The following MYBL2 variants were observed in gnomAD, a reference collection of about 807,000 sequenced individuals.
MYBL2 encodes myb-related protein B.
Under a neutral mutation model 79.9 loss-of-function variants are expected in MYBL2, and 28 were observed. The observed-to-expected ratio is 0.35, with a 90% CI of 0.26 to 0.48. MYBL2 has a LOEUF of 0.48. MYBL2 is among the 20% of genes least tolerant of loss of function. MYBL2 has a pLI of 0.99. For synonymous variants in MYBL2, 378 were observed against 361.2 expected (o/e 1.05, Z -0.53); for missense variants, 735 against 893.9 (o/e 0.82, Z 2.27).
Position 43,682,894 on chromosome 20 carries a change from C to G in MYBL2, c.279+8C>G, listed in dbSNP as rs1987177219. On this transcript the variant is annotated splice_region_variant and intron_variant, in intron 4 of 13. Transcript: ENST00000217026. ...AAAGAGGAAGACCAAAAAGTAACTG[C>G]TGGGACAGTGCCTTGCACACAGTGG... 2 of 1,612,450 alleles carry G rather than the reference C, an allele frequency of 1.2e-6. No homozygotes were observed. The highest frequency in any genetic ancestry group is 1.7e-6 in the Non-Finnish European group (2 of 1,178,584).
At chr20:43,675,557 C>T (rs976000929) in intron 2 of MYBL2, among the ~76,000 whole-genome samples, 10 of 152,170 alleles carry the variant, frequency 6.6e-5, no homozygotes, top group Admixed American at 1.3e-4. Context: ...AAGCAATCCA[C>T]CCACCTTGGC....
chr20:43,670,758 G>C (rs1986834986), intron 1 of MYBL2, among the ~76,000 whole-genome samples: 1 of 152,156 alleles, frequency 6.6e-6, no homozygotes, highest in Non-Finnish European at 1.5e-5. Flanking sequence ...GGATAGCACA[G>C]TAAGCCTTCT....
Position 43,682,703 on chromosome 20 carries a change from A to G in MYBL2, c.187-91A>G, listed in dbSNP as rs188396404. ...CCCAAGGTGTGCCTAGTCCCAGGCC[A>G]TAGGCCCCTGAGCCTAGTACTTAAC... On this transcript the variant is annotated intron_variant, in intron 3 of 13. Transcript: ENST00000217026. The G allele has an allele frequency of 4.1e-4, 489 of 1,194,906 alleles. 3 individuals carry two copies. In the East Asian group the frequency reaches 9.9e-3, roughly 24 times the overall value. 74.0% of individuals were successfully genotyped at this position (1,194,906 alleles called of 1,614,324 possible). A position where few individuals can be genotyped will look rare whatever the true frequency, so the allele number is the denominator to read the frequency against.
chr20:43,700,104 C>G, intron 7 of MYBL2, 60 bp downstream of exon 7: 2 of 1,567,182 alleles, frequency 1.3e-6, no homozygotes, highest in Non-Finnish European at 1.7e-6. Flanking sequence ...AAGTGCTTCT[C>G]TCTCAGGCCC....
In MYBL2 at chr20:43,702,676, G is replaced by A; in HGVS notation, c.1138G>A (p.Asp380Asn). 1 of 1,613,974 alleles carries A rather than the reference G, an allele frequency of 6.2e-7. No individual in the cohort carries two copies. The highest frequency in any genetic ancestry group is 8.5e-7 in the Non-Finnish European group (1 of 1,179,940). ...CCGCCTGGATGGCCACACCATCTCA[G>A]ACCTGAGCCGGAGCAGCCGGGGCGA... ...EYRLDGHTIS[D>N]LSRSSRGELI... The change falls in exon 8 of 14, where the codon GAC (aspartate) becomes AAC (asparagine). Residue 380 changes from aspartate to asparagine, a missense_variant. Physicochemically the swap from Asp to Asn is conservative, Grantham distance 23 (BLOSUM62 1). This residue lies in a region of MYBL2 where 243 missense variants were observed against 327.2 expected (regional missense o/e 0.74). Transcript: ENST00000217026.
At chr20:43,680,075 T>G (rs405660) in intron 2 of MYBL2, among the ~76,000 whole-genome samples, 137,290 of 152,184 alleles carry the variant, frequency 0.9, 62,144 homozygotes, top group African/African-American at 0.97. Flanking sequence ...CTGTTGCCCA[T>G]GCTGCAGTGC....
intron 5 of MYBL2, among the ~76,000 whole-genome samples, chr20:43,691,694 C>T (rs1038683605): frequency 6.6e-6 from 1 of 152,046 alleles, no homozygotes; most frequent in Non-Finnish European, 1.5e-5. Context: ...CATGTGCCAC[C>T]ATGCCTGGCT....
chr20:43,679,961 C>G (rs1212919712), intron 2 of MYBL2, among the ~76,000 whole-genome samples: 1 of 151,294 alleles, frequency 6.6e-6, no homozygotes, highest in Non-Finnish European at 1.5e-5. Flanking sequence ...CATGAATTCA[C>G]TCTCCTCCCA....
chr20:43,672,856 C>T (rs1986900476), intron 1 of MYBL2, among the ~76,000 whole-genome samples: 1 of 152,148 alleles, frequency 6.6e-6, no homozygotes, highest in Non-Finnish European at 1.5e-5. Flanking sequence ...CAACTTTATT[C>T]CTTAAAATAT....
intron 1 of MYBL2, among the ~76,000 whole-genome samples, chr20:43,667,863 C>T (rs1370517459): frequency 6.6e-6 from 1 of 152,196 alleles, no homozygotes; most frequent in Non-Finnish European, 1.5e-5. Flanking sequence ...TTGTCTCTCC[C>T]ACCTGGGTTC....
chr20:43,705,995 C>T (rs1158684121), intron 9 of MYBL2, among the ~76,000 whole-genome samples: 5 of 152,018 alleles, frequency 3.3e-5, no homozygotes, highest in South Asian at 2.1e-4. Context: ...CCACCACACC[C>T]GGCTAAAATT....
intron 6 of MYBL2, among the ~76,000 whole-genome samples, chr20:43,696,102 C>T (rs1009926112): frequency 6.6e-6 from 1 of 152,206 alleles, no homozygotes; most frequent in Admixed American, 6.5e-5. Context: ...TATGGGACCA[C>T]TCCCAACTTC....
chr20:43,706,368 T>C (rs1987783301), intron 9 of MYBL2, among the ~76,000 whole-genome samples: 1 of 152,174 alleles, frequency 6.6e-6, no homozygotes, highest in African/African-American at 2.4e-5. Flanking sequence ...GCTTTTACAA[T>C]GGAAGTGCTT....
intron 4 of MYBL2, among the ~76,000 whole-genome samples, chr20:43,683,378 A>G (rs1413092636): frequency 6.6e-6 from 1 of 152,054 alleles, no homozygotes; most frequent in Non-Finnish European, 1.5e-5. Flanking sequence ...GGAGAGAGCA[A>G]GGCTCAGAGA....
intron 6 of MYBL2, 130 bp from the exon 7 acceptor site, chr20:43,699,622 TTATTC>T: frequency 1.0e-6 from 1 of 955,908 alleles, no homozygotes. Flanking sequence ...GTATGGCTAA[TTATTC>T]TGTAGAATGT....
intron 9 of MYBL2, 33 bp downstream of exon 9, chr20:43,705,391 CCT>C (rs1327282666): frequency 1.0e-5 from 16 of 1,568,292 alleles, no homozygotes; most frequent in African/African-American, 4.1e-5. Flanking sequence ...CCTTCGCCGT[CCT>C]CTCCCTCAGC....
intron 2 of MYBL2, among the ~76,000 whole-genome samples, chr20:43,674,179 G>C (rs990931120): frequency 7.1e-6 from 1 of 140,284 alleles, no homozygotes; most frequent in African/African-American, 2.6e-5. Flanking sequence ...CATTGATTGT[G>C]CTTTTTGCCT....
At chr20:43,697,508 G>A (rs1987572147) in intron 6 of MYBL2, among the ~76,000 whole-genome samples, 1 of 152,036 alleles carries the variant, frequency 6.6e-6, no homozygotes, top group Non-Finnish European at 1.5e-5. Context: ...CTGCTCAGGA[G>A]GCTGAGGCAT....
chr20:43,675,900 C>T (rs1330105958), intron 2 of MYBL2, among the ~76,000 whole-genome samples: 1 of 117,384 alleles, frequency 8.5e-6, no homozygotes, highest in East Asian at 2.5e-4. Flanking sequence ...AAGCGTGGTA[C>T]CCAATAGGTA....
Sources: allele counts gnomAD v4.1 joint callset (sites outside exome capture counted in the v4.1 genomes callset), GRCh38; gene constraint gnomAD v4.1.1; regional missense constraint gnomAD v4.1.1; transcripts MANE v1.5; gene names NCBI Gene and HGNC (gene_info 2026-07-23, HGNC 2026-07-21).